The following ROBO1 variants were observed in gnomAD, a reference collection of about 807,000 sequenced individuals.
The protein encoded by ROBO1 is roundabout homolog 1.
A neutral mutation model predicts 195.9 loss-of-function variants in ROBO1; 149 were observed. That is an observed-to-expected ratio of 0.76 (90% CI 0.67 to 0.87). The LOEUF is 0.87. Among genes scored for constraint, ROBO1 ranks in the 40% least tolerant of loss-of-function variants. The pLI is 0.00. For missense variants in ROBO1, 1,933 were observed against 2,068.3 expected, an observed-to-expected ratio of 0.93 and a Z score of 1.27; for synonymous variants, 816 against 733.2, an observed-to-expected ratio of 1.11 and a Z score of -1.82.
chr3:79,352,069 A>G (rs2035364330), intron 2 of ROBO1, among the ~76,000 whole-genome samples: 1 of 152,216 alleles, frequency 6.6e-6, no homozygotes, highest in Non-Finnish European at 1.5e-5. Context: ...GAACATCCTG[A>G]TGCTAGATAT....
chr3:78,785,393 T>TA (rs1277776648), intron 4 of ROBO1, among the ~76,000 whole-genome samples: 1 of 152,162 alleles, frequency 6.6e-6, no homozygotes, highest in Non-Finnish European at 1.5e-5. Flanking sequence ...GCTCTCAACT[T>TA]ACTACCTACC....
At chr3:79,243,596 AT>A (rs1471388062) in intron 2 of ROBO1, among the ~76,000 whole-genome samples, 1 of 151,870 alleles carries the variant, frequency 6.6e-6, no homozygotes, top group East Asian at 1.9e-4. Context: ...GATGATGAGC[AT>A]TTTTTCATGT....
chr3:78,777,449 A>G (rs2083538934), intron 4 of ROBO1, among the ~76,000 whole-genome samples: 1 of 152,154 alleles, frequency 6.6e-6, no homozygotes, highest in Non-Finnish European at 1.5e-5. Flanking sequence ...AACCAATGCC[A>G]TCTGGTACCC....
rs371789590 is a variant in ROBO1, at chr3:79,683,453, CTAACA to C, written c.-51+84294_-51+84298del. 1.9e-3 allele frequency among the ~76,000 whole-genome samples: 293 copies of C among 152,086 alleles called. 2 individuals carry two copies. Among genetic ancestry groups the C allele is most frequent in the Middle Eastern group, 0.014 (4 of 294 alleles). On this transcript the variant is annotated intron_variant, in intron 1 of 30. Transcript: ENST00000464233. ...ATCAGAAGATTATTTCAAGATATAC[CTAACA>C]TAATTATTTTAAAGTTTACAATTTA...
rs372190934 is a variant in ROBO1 at position 78,711,623 on chromosome 3, T to C, written c.1045+2774A>G. The stretch of plus-strand genomic sequence containing the variant: ...GCCTCAGCCTCCAGAGTAGCTGAGA[T>C]TACAGCCGCATGCCACCACGCCCAG... On this transcript the variant is annotated intron_variant, in intron 8 of 30. Transcript: ENST00000464233. 1.3e-4 allele frequency among the ~76,000 whole-genome samples: 19 copies of C among 149,104 alleles called. No homozygotes were observed. In the East Asian group the frequency reaches 2.2e-3, roughly 17 times the overall value.
intron 25 of ROBO1, 29 bp downstream of exon 25, chr3:78,631,132 G>A (rs1314688639): frequency 6.3e-7 from 1 of 1,596,460 alleles, no homozygotes; most frequent in Non-Finnish European, 8.5e-7. Context: ...ATATTACACT[G>A]TTTACATCTG....
intron 4 of ROBO1, among the ~76,000 whole-genome samples, chr3:78,841,645 C>T (rs958553006): frequency 6.6e-6 from 1 of 152,122 alleles, no homozygotes; most frequent in African/African-American, 2.4e-5. Flanking sequence ...AATCAATAAA[C>T]TTAATTACTC....
chr3:79,674,995 A>G (rs1946743505), intron 1 of ROBO1, among the ~76,000 whole-genome samples: 1 of 151,890 alleles, frequency 6.6e-6, no homozygotes, highest in Non-Finnish European at 1.5e-5. Context: ...TTCCTGGTAA[A>G]AATTTCTTAA....
At chr3:79,355,925 A>G (rs2035532921) in intron 2 of ROBO1, among the ~76,000 whole-genome samples, 1 of 152,186 alleles carries the variant, frequency 6.6e-6, no homozygotes, top group South Asian at 2.1e-4. Flanking sequence ...TTGGATGTAG[A>G]CCTAGTAGTA....
chr3:79,283,692 C>T (rs2031675090), intron 2 of ROBO1, among the ~76,000 whole-genome samples: 1 of 150,062 alleles, frequency 6.7e-6, no homozygotes, highest in East Asian at 1.9e-4. Flanking sequence ...CACATTTATC[C>T]ATGAATTCTT....
intron 4 of ROBO1, among the ~76,000 whole-genome samples, chr3:78,791,863 A>G (rs957454834): frequency 7.9e-5 from 12 of 152,270 alleles, no homozygotes; most frequent in Non-Finnish European, 1.5e-4. Context: ...TGTGGCTGCT[A>G]TTTTCCAGTG....
intron 22 of ROBO1, among the ~76,000 whole-genome samples, chr3:78,638,425 A>C (rs1242585852): frequency 6.6e-6 from 1 of 151,592 alleles, no homozygotes; most frequent in Non-Finnish European, 1.5e-5. Context: ...TTTTTATTTA[A>C]ATTTTTTTGT....
chr3:78,634,987 G>T, intron 23 of ROBO1, among the ~76,000 whole-genome samples: 1 of 152,024 alleles, frequency 6.6e-6, no homozygotes, highest in East Asian at 1.9e-4. Context: ...GGAATAGGTG[G>T]GGATGCATTG....
At chr3:79,429,160 A>G (rs1224528029) in intron 2 of ROBO1, among the ~76,000 whole-genome samples, 1 of 152,174 alleles carries the variant, frequency 6.6e-6, no homozygotes, top group Non-Finnish European at 1.5e-5. Context: ...ATACGTGCAT[A>G]TCAAGTCACT....
chr3:79,057,929 AC>A (rs1002484813), intron 3 of ROBO1, among the ~76,000 whole-genome samples: 12 of 151,810 alleles, frequency 7.9e-5, no homozygotes, highest in African/African-American at 1.9e-4. Context: ...GGTTACAGAT[AC>A]CCCCCTCTGT....
chr3:78,713,035 C>A (rs1386859384), intron 8 of ROBO1, among the ~76,000 whole-genome samples: 1 of 152,082 alleles, frequency 6.6e-6, no homozygotes, highest in African/African-American at 2.4e-5. Context: ...GGCTTTTGAA[C>A]TTGGATTTGA....
chr3:79,327,437 G>T (rs1012598922), intron 2 of ROBO1, among the ~76,000 whole-genome samples: 5 of 151,986 alleles, frequency 3.3e-5, no homozygotes, highest in Admixed American at 1.3e-4. Flanking sequence ...TTACAAAGTG[G>T]CTAATGTATT....
intron 3 of ROBO1, among the ~76,000 whole-genome samples, chr3:78,992,320 G>A (rs1407594816): frequency 1.3e-5 from 2 of 152,102 alleles, no homozygotes; most frequent in Admixed American, 1.3e-4. Flanking sequence ...GTTTATTGGT[G>A]CAAAGGTAGT....
intron 4 of ROBO1, among the ~76,000 whole-genome samples, chr3:78,862,384 T>C (rs1050206102): frequency 6.6e-6 from 1 of 152,180 alleles, no homozygotes; most frequent in African/African-American, 2.4e-5. Flanking sequence ...TGGAAGTGAA[T>C]TCTTTTCTAT....
Sources: allele counts gnomAD v4.1 joint callset (sites outside exome capture counted in the v4.1 genomes callset), GRCh38; gene constraint gnomAD v4.1.1; transcripts MANE v1.5; gene names NCBI Gene and HGNC (gene_info 2026-07-23, HGNC 2026-07-21).